RIMS1: variants seen among roughly 807,000 people sequenced by gnomAD.
RIMS1 encodes regulating synaptic membrane exocytosis protein 1.
Under a neutral mutation model 214.1 loss-of-function variants are expected in RIMS1, and 83 were observed. The ratio of observed to expected loss-of-function variants is 0.39; its 90% CI spans 0.32 to 0.47. The LOEUF (loss-of-function observed/expected upper bound fraction) is 0.47. RIMS1 is among the 20% of genes least tolerant of loss of function. The pLI, the probability that RIMS1 is intolerant of heterozygous loss-of-function variation, is 0.99. For synonymous variants in RIMS1, 793 were observed against 786.8 expected (o/e 1.01, Z -0.13); for missense variants, 2,050 against 2,161.8 (o/e 0.95, Z 1.03).
chr6:72,285,775 A>C (rs941386337), intron 24 of RIMS1, among the ~76,000 whole-genome samples: 8 of 152,300 alleles, frequency 5.3e-5, no homozygotes, highest in Admixed American at 5.2e-4. Flanking sequence ...TTCTTAGATA[A>C]ATTTTCAATC....
intron 9 of RIMS1, among the ~76,000 whole-genome samples, chr6:72,241,385 A>G (rs2066844992): frequency 2.0e-5 from 3 of 152,210 alleles, no homozygotes; most frequent in Admixed American, 2.0e-4. Context: ...ACCATTTTGA[A>G]GTGAAGAGTC....
At chr6:72,250,663 A>G (rs966239385) in intron 13 of RIMS1, among the ~76,000 whole-genome samples, 1 of 152,148 alleles carries the variant, frequency 6.6e-6, no homozygotes, top group African/African-American at 2.4e-5. Flanking sequence ...AAAAAAATCT[A>G]TTACCTTGTT....
intron 1 of RIMS1, among the ~76,000 whole-genome samples, chr6:71,956,753 G>C (rs1027386131): frequency 3.3e-5 from 5 of 152,056 alleles, no homozygotes; most frequent in African/African-American, 1.2e-4. Context: ...GTCCTCTTGT[G>C]GTTTAGCTTC....
chr6:72,168,307 T>G (rs1279437964), intron 4 of RIMS1, among the ~76,000 whole-genome samples: 1 of 152,102 alleles, frequency 6.6e-6, no homozygotes, highest in Non-Finnish European at 1.5e-5. Context: ...ATAGCAAGAG[T>G]GAAAGTTTAT....
At chr6:72,219,990 A>G (rs1373662696) in intron 6 of RIMS1, among the ~76,000 whole-genome samples, 1 of 152,096 alleles carries the variant, frequency 6.6e-6, no homozygotes, top group Non-Finnish European at 1.5e-5. Flanking sequence ...ATTCTATATT[A>G]AAGGCTTTTG....
intron 4 of RIMS1, among the ~76,000 whole-genome samples, chr6:72,127,229 T>C (rs1340627861): frequency 1.3e-5 from 2 of 152,186 alleles, no homozygotes; most frequent in Non-Finnish European, 2.9e-5. Context: ...AGTTTTTAAT[T>C]TGTGAGCTTC....
intron 2 of RIMS1, among the ~76,000 whole-genome samples, chr6:72,041,960 C>G (rs1178939696): frequency 6.6e-6 from 1 of 151,844 alleles, no homozygotes; most frequent in Non-Finnish European, 1.5e-5. Context: ...ACGCCAGACT[C>G]CAACTCTAAA....
chr6:72,049,216 A>C, intron 2 of RIMS1, among the ~76,000 whole-genome samples: 1 of 152,236 alleles, frequency 6.6e-6, no homozygotes, highest in Non-Finnish European at 1.5e-5. Context: ...AAAGGACATA[A>C]GAACCGGGAA....
intron 1 of RIMS1, among the ~76,000 whole-genome samples, chr6:71,950,741 T>C (rs1328754028): frequency 6.6e-6 from 1 of 152,228 alleles, no homozygotes; most frequent in Non-Finnish European, 1.5e-5. Flanking sequence ...AGAAACATTT[T>C]TTTCCGACTG....
chr6:72,182,902 C>A lies in RIMS1; in HGVS notation c.1431C>A (p.Asp477Glu). 3 of 1,575,368 alleles carry A rather than the reference C, an allele frequency of 1.9e-6. No individual in the cohort carries two copies. Among genetic ancestry groups the A allele is most frequent in the Non-Finnish European group, 2.6e-6 (3 of 1,162,074 alleles). Reference sequence around the variant, plus strand: ...CCCTCAGGAAGCAGAGCCGCCTGGACCCCAGCTCGGCGGTCCTCATGCGGA... The same window carrying A: ...CCCTCAGGAAGCAGAGCCGCCTGGAACCCAGCTCGGCGGTCCTCATGCGGA... ...QEPLRKQSRL[D>E]PSSAVLMRKA... Residue 477 changes from aspartate (D) to glutamate (E), a missense_variant, in exon 6 of 34, where the codon GAC becomes GAA. Around this residue, in one of 6 missense-constraint regions of RIMS1, gnomAD observed 882 missense variants for 828.9 expected, o/e 1.06. Coordinates refer to ENST00000521978, the MANE Select transcript of RIMS1 (RefSeq NM_014989.7).
chr6:72,121,356 GA>G (rs1197634882), intron 4 of RIMS1, among the ~76,000 whole-genome samples: 3 of 151,722 alleles, frequency 2.0e-5, no homozygotes, highest in Admixed American at 2.0e-4. Flanking sequence ...TTTCCTTGAA[GA>G]CCTCCTTCAC....
chr6:72,102,840 A>C (rs1413142297), intron 4 of RIMS1, among the ~76,000 whole-genome samples: 1 of 152,148 alleles, frequency 6.6e-6, no homozygotes, highest in Non-Finnish European at 1.5e-5. Flanking sequence ...AATGATTTGC[A>C]TGATTGCATT....
At chr6:72,015,004 C>A (rs990910973) in intron 2 of RIMS1, among the ~76,000 whole-genome samples, 3 of 151,930 alleles carry the variant, frequency 2.0e-5, no homozygotes, top group African/African-American at 7.3e-5. Context: ...GTTGAATATC[C>A]CTTAGCCAAA....
intron 28 of RIMS1, among the ~76,000 whole-genome samples, chr6:72,318,445 GA>G (rs752319136): frequency 6.6e-6 from 1 of 151,354 alleles, no homozygotes; most frequent in East Asian, 1.9e-4. Flanking sequence ...TTTCTCCTAG[GA>G]AAAAAAATGA....
At chr6:72,362,461 A>G (rs929898970) in intron 29 of RIMS1, among the ~76,000 whole-genome samples, 5 of 152,210 alleles carry the variant, frequency 3.3e-5, no homozygotes, top group African/African-American at 1.2e-4. Flanking sequence ...GCCCTCTTGA[A>G]GAAAATGAAG....
chr6:72,284,169 T>G, intron 24 of RIMS1, 51 bp downstream of exon 24: 1 of 1,459,170 alleles, frequency 6.9e-7, no homozygotes, highest in Non-Finnish European at 9.6e-7. Flanking sequence ...GGAATATATT[T>G]AGGGGTGCTG....
chr6:72,214,171 C>A (rs1158718470), intron 6 of RIMS1, among the ~76,000 whole-genome samples: 1 of 152,104 alleles, frequency 6.6e-6, no homozygotes, highest in Non-Finnish European at 1.5e-5. Context: ...AATATTGATT[C>A]TCTGCTTTGA....
In RIMS1 at chr6:72,182,575, G is replaced by A. The variant is rs1174407674; in HGVS notation, c.1104G>A (p.Pro368=). ...ACCTAGCTCGGTACCCGGTGAAACC[G>A]CCGCCTGAGGAGCAGCAGATGCGCA... The part of the protein sequence containing the change: ...DPNLARYPVK[P]PPEEQQMRMH... Residue 368 remains proline (P), a synonymous_variant, in exon 6 of 34, where the codon CCG becomes CCA. Coordinates refer to ENST00000521978, the MANE Select transcript of RIMS1 (RefSeq NM_014989.7). 13 of 1,549,464 alleles carry A rather than the reference G, an allele frequency of 8.4e-6. No individual in the cohort carries two copies. The highest frequency in any genetic ancestry group is 2.4e-5 in the East Asian group (1 of 40,918).
At position 72,155,049 on chromosome 6, in the gene RIMS1, CA is replaced by C. The variant is rs1049834011; in HGVS notation, c.472-24523del. On this transcript the variant is annotated intron_variant, in intron 4 of 33. Transcript: ENST00000521978. ...CCCCTTAACCCTCTCATGGGCACCC[CA>C]AATGTGTCCCCAAGAATCTTGCTGC... Among the ~76,000 whole-genome samples the C allele has an allele frequency of 6.1e-4, 86 of 139,886 alleles. 3 individuals are homozygous for C. The highest frequency in any genetic ancestry group is 1.9e-3 in the African/African-American group (79 of 40,578). The allele number at this position is 139,886 out of a possible 152,430, so 91.8% of individuals were successfully genotyped here.
Sources: allele counts gnomAD v4.1 joint callset (sites outside exome capture counted in the v4.1 genomes callset), GRCh38; gene constraint gnomAD v4.1.1; regional missense constraint gnomAD v4.1.1; transcripts MANE v1.5; gene names NCBI Gene and HGNC (gene_info 2026-07-23, HGNC 2026-07-21).